The following DDAH1 variants were observed in gnomAD, a reference collection of about 807,000 sequenced individuals.
DDAH1 encodes the protein dimethylarginine dimethylaminohydrolase 1, also known as N(G),N(G)-dimethylarginine dimethylaminohydrolase 1.
Under a neutral mutation model 28.8 loss-of-function variants are expected in DDAH1, and 19 were observed. That is an observed-to-expected ratio of 0.66 (90% CI 0.46 to 0.97). DDAH1 has a LOEUF of 0.97. Ranked by LOEUF, DDAH1 falls within the 50% of genes least tolerant of loss-of-function variation. DDAH1 has a pLI of 0.00. For missense variants in DDAH1, 326 were observed against 375.9 expected (o/e 0.87, Z 1.10); for synonymous variants, 153 against 154.4 (o/e 0.99, Z 0.07).
At chr1:85,400,898 A>G (rs1652069165) in intron 1 of DDAH1, among the ~76,000 whole-genome samples, 1 of 152,098 alleles carries the variant, frequency 6.6e-6, no homozygotes, top group African/African-American at 2.4e-5. Flanking sequence ...TTCTACCTTT[A>G]TTATATATAT....
chr1:85,505,121 G>A (rs71654704), intron 1 of DDAH1, among the ~76,000 whole-genome samples: 1 of 151,586 alleles, frequency 6.6e-6, no homozygotes, highest in South Asian at 2.1e-4. Flanking sequence ...GAGTAGCTGA[G>A]ATTATAGGCA....
chr1:85,555,287 A>G (rs1440690643), intron 1 of DDAH1, among the ~76,000 whole-genome samples: 1 of 152,264 alleles, frequency 6.6e-6, no homozygotes, highest in Non-Finnish European at 1.5e-5. Flanking sequence ...ACATTTGTAC[A>G]GCATTGTATA....
chr1:85,324,417 A>G (rs1055705916), intron 5 of DDAH1, among the ~76,000 whole-genome samples: 21 of 152,226 alleles, frequency 1.4e-4, no homozygotes, highest in African/African-American at 5.1e-4. Context: ...ATGCTTAATG[A>G]GTATCTGAGG....
chr1:85,395,564 TG>T (rs1651770778), intron 1 of DDAH1, among the ~76,000 whole-genome samples: 1 of 151,502 alleles, frequency 6.6e-6, no homozygotes, highest in Non-Finnish European at 1.5e-5. Flanking sequence ...CTCAGCTACT[TG>T]GAAGGCTGAA....
chr1:85,374,097 T>C (rs887626175), intron 1 of DDAH1, among the ~76,000 whole-genome samples: 7 of 152,114 alleles, frequency 4.6e-5, no homozygotes, highest in Non-Finnish European at 8.8e-5. Flanking sequence ...AACATCCAAA[T>C]ACTAACGTGA....
chr1:85,497,986 A>G (rs1656659104), intron 1 of DDAH1, among the ~76,000 whole-genome samples: 1 of 152,200 alleles, frequency 6.6e-6, no homozygotes, highest in Non-Finnish European at 1.5e-5. Flanking sequence ...CTCTGGGTGA[A>G]CTAACCCCCT....
intron 2 of DDAH1, among the ~76,000 whole-genome samples, chr1:85,487,217 G>A (rs938955293): frequency 6.6e-5 from 10 of 152,212 alleles, no homozygotes; most frequent in African/African-American, 1.7e-4. Context: ...GTCACTCTCA[G>A]GCACCATCTG....
intron 1 of DDAH1, among the ~76,000 whole-genome samples, chr1:85,391,079 A>G (rs1231673915): frequency 6.6e-6 from 1 of 152,224 alleles, no homozygotes; most frequent in Non-Finnish European, 1.5e-5. Context: ...AAAGTTACAA[A>G]TGTGAGATAT....
At chr1:85,432,521 G>A (rs1274320266) in intron 1 of DDAH1, among the ~76,000 whole-genome samples, 3 of 152,148 alleles carry the variant, frequency 2.0e-5, no homozygotes, top group Admixed American at 6.5e-5. Flanking sequence ...GGAATGGTCA[G>A]CTTTTTTCAG....
chr1:85,442,286 TTC>T (rs1654233879), intron 1 of DDAH1, among the ~76,000 whole-genome samples: 1 of 152,216 alleles, frequency 6.6e-6, no homozygotes. Flanking sequence ...GTGTTTGGTT[TTC>T]TGTCCTTGTG....
At chr1:85,393,341 T>C (rs1651655333) in intron 1 of DDAH1, among the ~76,000 whole-genome samples, 1 of 152,120 alleles carries the variant, frequency 6.6e-6, no homozygotes, top group Admixed American at 6.6e-5. Flanking sequence ...AAAATTTCAG[T>C]TGTGAGGAAT....
rs1459795165 is a variant in DDAH1, at chr1:85,320,186, G to GT, written c.*1265dup. Reference sequence around the variant, plus strand: ...TTCCTTCAGTGCCGCATTGTTCTTTGTAAGAGATCCGTGTCAGTTCAAAGT... The same window carrying GT: ...TTCCTTCAGTGCCGCATTGTTCTTTGTTAAGAGATCCGTGTCAGTTCAAAGT... On this transcript the variant is annotated 3_prime_UTR_variant, in exon 6 of 6. Transcript: ENST00000284031. 6.6e-6 allele frequency: 1 copy of GT among 152,622 alleles called. No homozygotes were observed. The highest frequency in any genetic ancestry group is 2.4e-5 in the African/African-American group (1 of 41,464). The allele number at this position is 152,622 out of a possible 1,614,324, so 9.5% of individuals were successfully genotyped here.
chr1:85,449,829 G>T (rs1354761972), intron 1 of DDAH1, among the ~76,000 whole-genome samples: 1 of 152,178 alleles, frequency 6.6e-6, no homozygotes, highest in Non-Finnish European at 1.5e-5. Context: ...GAAGAGGTGT[G>T]TTTGTACTGG....
At chr1:85,378,079 A>G (rs75140285) in intron 1 of DDAH1, among the ~76,000 whole-genome samples, 7,025 of 152,264 alleles carry the variant, frequency 0.046, 264 homozygotes, top group South Asian at 0.18. Flanking sequence ...GTAAAAGACT[A>G]TTCTGTTCAA....
chr1:85,390,333 G>C (rs1404885410), intron 1 of DDAH1, among the ~76,000 whole-genome samples: 1 of 152,130 alleles, frequency 6.6e-6, no homozygotes, highest in African/African-American at 2.4e-5. Context: ...GAGTGAATCT[G>C]ATTTAAAACC....
intron 4 of DDAH1, among the ~76,000 whole-genome samples, chr1:85,346,107 G>A (rs1474293852): frequency 6.6e-6 from 1 of 152,038 alleles, no homozygotes; most frequent in Non-Finnish European, 1.5e-5. Flanking sequence ...GAAACCCTTG[G>A]GGCTCTCAGC....
chr1:85,339,680 C>A (rs1056971900), intron 4 of DDAH1, among the ~76,000 whole-genome samples: 2 of 152,150 alleles, frequency 1.3e-5, no homozygotes, highest in Non-Finnish European at 2.9e-5. Flanking sequence ...CCGGAGGCTG[C>A]AGAATAATTC....
At chr1:85,482,989 C>T (rs7541151) in intron 2 of DDAH1, among the ~76,000 whole-genome samples, 6,134 of 152,178 alleles carry the variant, frequency 0.04, 205 homozygotes, top group African/African-American at 0.087. Flanking sequence ...CTTTGGGAGG[C>T]CGAGGTGGGC....
intron 1 of DDAH1, among the ~76,000 whole-genome samples, chr1:85,574,928 G>A (rs1659559234): frequency 6.6e-6 from 1 of 151,854 alleles, no homozygotes; most frequent in African/African-American, 2.4e-5. Context: ...TAACATAGTT[G>A]GGGAGAAAAC....
Sources: gnomAD v4.1 joint callset for allele counts (sites outside exome capture counted in the v4.1 genomes callset) on GRCh38, gnomAD v4.1.1 for gene constraint, MANE v1.5 for transcripts, NCBI Gene and HGNC (gene_info 2026-07-23, HGNC 2026-07-21) for gene names.